The following ERGIC1 variants were observed in gnomAD, a reference collection of about 807,000 sequenced individuals.
ERGIC1 encodes the protein endoplasmic reticulum-Golgi intermediate compartment protein 1.
Under a neutral mutation model 38.3 loss-of-function variants are expected in ERGIC1, and 19 were observed. The ratio of observed to expected loss-of-function variants is 0.50; its 90% confidence interval spans 0.35 to 0.73. The LOEUF is 0.73. Ranked by LOEUF, ERGIC1 falls within the 30% of genes least tolerant of loss-of-function variation. The pLI is 0.01. For synonymous variants in ERGIC1, 124 were observed against 157.6 expected (o/e 0.79, Z 1.60); for missense variants, 294 against 389.2 (o/e 0.76, Z 2.06).
At chr5:172,940,915 G>C (rs189887562) in intron 9 of ERGIC1, among the ~76,000 whole-genome samples, 45 of 152,338 alleles carry the variant, frequency 3.0e-4, no homozygotes, top group African/African-American at 1.0e-3. Flanking sequence ...TGTGTCCCCA[G>C]CATCCAGTGA....
In ERGIC1 at chr5:172,837,908, G is replaced by A. The variant is rs1761073313; in HGVS notation, c.20+3475G>A. 6.6e-6 allele frequency among the ~76,000 whole-genome samples: 1 copy of A among 152,212 alleles called. No homozygotes were observed. The highest frequency in any genetic ancestry group is 2.1e-4 in the South Asian group (1 of 4,830). On this transcript the variant is annotated intron_variant, in intron 1 of 9. Coordinates refer to ENST00000393784, the MANE Select transcript of ERGIC1 (RefSeq NM_001031711.3). The surrounding 1 kb of genome is among the most constrained non-coding windows in gnomAD (Gnocchi z 4.3). ...GCCTTCTGCACACCAGCCCAGGGTG[G>A]GTGAGGAGGGAAGATAACAGCATCC...
At chr5:172,902,099 C>T (rs1005095321) in intron 3 of ERGIC1, among the ~76,000 whole-genome samples, 3 of 152,194 alleles carry the variant, frequency 2.0e-5, no homozygotes, top group African/African-American at 7.2e-5. Flanking sequence ...TCTGTTGTAC[C>T]CCACTTCCCT....
At chr5:172,904,777 G>T (rs1762975841) in intron 3 of ERGIC1, among the ~76,000 whole-genome samples, 1 of 152,134 alleles carries the variant, frequency 6.6e-6, no homozygotes, top group South Asian at 2.1e-4. Context: ...CATTTGCCTT[G>T]GACACGAAGG....
At chr5:172,898,092 C>T (rs1437928206) in intron 3 of ERGIC1, 6 of 390,702 alleles carry the variant, frequency 1.5e-5, no homozygotes, top group East Asian at 7.2e-5. Context: ...GTTTACAGCC[C>T]GGAAAGTCAT....
At chr5:172,896,258 G>A (rs182915769) in intron 2 of ERGIC1, among the ~76,000 whole-genome samples, 3 of 152,274 alleles carry the variant, frequency 2.0e-5, no homozygotes, top group Non-Finnish European at 1.5e-5. Flanking sequence ...CAGAAGAATC[G>A]TTTGAACCCA....
intron 2 of ERGIC1, among the ~76,000 whole-genome samples, chr5:172,893,935 G>GTGTGTATATATA (rs1429850022): frequency 2.3e-5 from 1 of 42,826 alleles, no homozygotes; most frequent in Non-Finnish European, 4.6e-5. Context: ...GTGTGTGTGT[G>GTGTGTATATATA]TATATATATA....
chr5:172,928,740 C>T (rs1287694935), intron 7 of ERGIC1, among the ~76,000 whole-genome samples: 4 of 152,038 alleles, frequency 2.6e-5, no homozygotes, highest in Non-Finnish European at 5.9e-5. Flanking sequence ...TGGTGGAGTG[C>T]GGTCATGAGG....
intron 8 of ERGIC1, chr5:172,932,814 G>GAT (rs3214437): frequency 9.2e-6 from 4 of 435,648 alleles, no homozygotes; most frequent in East Asian, 4.5e-5. Context: ...CAAAGGTCCT[G>GAT]GGGTTGCAGG....
At chr5:172,893,201 G>A (rs1327120176) in intron 2 of ERGIC1, among the ~76,000 whole-genome samples, 2 of 152,174 alleles carry the variant, frequency 1.3e-5, no homozygotes, top group Admixed American at 6.5e-5. Context: ...AGCCTGAAGT[G>A]CAATGGTGTG....
intron 1 of ERGIC1, among the ~76,000 whole-genome samples, chr5:172,878,758 C>T (rs1762210166): frequency 6.6e-6 from 1 of 152,160 alleles, no homozygotes; most frequent in Admixed American, 6.5e-5. Context: ...CCTGCCTCCA[C>T]TTGGCTCTGG....
intron 1 of ERGIC1, among the ~76,000 whole-genome samples, chr5:172,864,323 A>C (rs1761797122): frequency 7.2e-6 from 1 of 138,906 alleles, no homozygotes; most frequent in Non-Finnish European, 1.5e-5. Flanking sequence ...CCCAGAGTGC[A>C]ATGGCATGAT....
intron 2 of ERGIC1, among the ~76,000 whole-genome samples, chr5:172,889,328 G>C (rs1470687492): frequency 3.9e-5 from 6 of 151,930 alleles, no homozygotes; most frequent in Non-Finnish European, 1.5e-5. Context: ...TGGGCCCAGG[G>C]GTAGGAAGGA....
At chr5:172,935,912 G>T (rs1763879429) in intron 9 of ERGIC1, 1 of 152,510 alleles carries the variant, frequency 6.6e-6, no homozygotes. Flanking sequence ...AGAACAGGAG[G>T]GTCAGGGTGC....
rs111322997 is a variant in ERGIC1, at chr5:172,841,038, T to C, written c.20+6605T>C. 3.3e-3 allele frequency among the ~76,000 whole-genome samples: 501 copies of C among 152,328 alleles called. 2 individuals are homozygous for C. The highest frequency in any genetic ancestry group is 0.012 in the African/African-American group (481 of 41,574). On this transcript the variant is annotated intron_variant, in intron 1 of 9. Transcript: ENST00000393784. ...GTATAGTCTCAGATGCCCTGTTGTTTATGGAGCAGCTAGTGCCATTTCTCA... is the reference window on the plus strand; with the variant it reads ...GTATAGTCTCAGATGCCCTGTTGTTCATGGAGCAGCTAGTGCCATTTCTCA...
At chr5:172,918,832 C>T (rs1763440079) in intron 5 of ERGIC1, among the ~76,000 whole-genome samples, 3 of 152,206 alleles carry the variant, frequency 2.0e-5, no homozygotes, top group Non-Finnish European at 4.4e-5. Context: ...TCTGTCCCCA[C>T]CTCATCCTCT....
intron 5 of ERGIC1, among the ~76,000 whole-genome samples, chr5:172,919,312 T>C (rs1328751294): frequency 6.6e-6 from 1 of 152,162 alleles, no homozygotes; most frequent in Non-Finnish European, 1.5e-5. Flanking sequence ...ACCTCCTCAC[T>C]GTGGGCCCCC....
At chr5:172,918,618 C>T (rs1763433690) in intron 5 of ERGIC1, among the ~76,000 whole-genome samples, 1 of 152,200 alleles carries the variant, frequency 6.6e-6, no homozygotes, top group South Asian at 2.1e-4. Flanking sequence ...TTGGAATGGA[C>T]AGTGATCTAA....
At chr5:172,941,427 AT>A (rs1764010471) in intron 9 of ERGIC1, among the ~76,000 whole-genome samples, 1 of 152,162 alleles carries the variant, frequency 6.6e-6, no homozygotes, top group Admixed American at 6.5e-5. Context: ...TTATAAATGG[AT>A]TAAACTGAGG....
intron 9 of ERGIC1, among the ~76,000 whole-genome samples, chr5:172,944,154 C>T (rs986894278): frequency 6.6e-6 from 1 of 152,204 alleles, no homozygotes; most frequent in African/African-American, 2.4e-5. Flanking sequence ...GTGGCTGCTG[C>T]CCAGAGCAGT....
Sources: gnomAD v4.1 joint callset for allele counts (sites outside exome capture counted in the v4.1 genomes callset) on GRCh38, gnomAD v4.1.1 for gene constraint, Gnocchi (gnomAD v3.1) non-coding constraint, MANE v1.5 for transcripts, NCBI Gene and HGNC (gene_info 2026-07-23, HGNC 2026-07-21) for gene names.